PTPA: variants seen among roughly 807,000 people sequenced by gnomAD.
The protein encoded by PTPA is protein phosphatase 2 phosphatase activator, also known as serine/threonine-protein phosphatase 2A activator.
In PTPA, 13 loss-of-function variants were observed where a neutral mutation model predicts 43.6. The observed-to-expected ratio is 0.30, with a 90% CI of 0.19 to 0.47. The LOEUF is 0.47. PTPA is among the 20% of genes least tolerant of loss of function. The pLI, the probability that PTPA is intolerant of heterozygous loss-of-function variation, is 0.99. For synonymous variants in PTPA, 172 were observed against 158.2 expected, an observed-to-expected ratio of 1.09 and a Z score of -0.66; for missense variants, 329 against 411.9, an observed-to-expected ratio of 0.80 and a Z score of 1.74.
rs1331391926 is a variant in PTPA at position 129,134,886 on chromosome 9, G to C, written c.552G>C (p.Val184=). The change falls in exon 6 of 10, where the codon GTG becomes GTC. Residue 184 remains valine (V), a synonymous_variant. Coordinates refer to ENST00000393370, the MANE Select transcript of PTPA (RefSeq NM_178000.3). ...ACCAAATAGCTATTGTCTTCAAGGT[G>C]TTCAATCGGTGAGAGAAAGGACAGG... ...VDDQIAIVFK[V]FNRYLEVMRK... is the part of the protein sequence containing the mutation. The C allele has an allele frequency of 1.2e-6, 2 of 1,612,534 alleles. No individual in the cohort carries two copies. Among genetic ancestry groups the C allele is most frequent in the Admixed American group, 1.7e-5 (1 of 59,990 alleles).
intron 2 of PTPA, 75 bp from the exon 3 acceptor site, chr9:129,122,977 G>C (rs1849346542): frequency 1.7e-6 from 2 of 1,168,180 alleles, no homozygotes; most frequent in South Asian, 2.5e-5. Context: ...TGGTAACCTG[G>C]TGGAGCTCGG....
intron 1 of PTPA, among the ~76,000 whole-genome samples, chr9:129,118,861 C>G (rs1849067040): frequency 6.6e-6 from 1 of 150,748 alleles, no homozygotes; most frequent in African/African-American, 2.4e-5. Context: ...TTTCCGTGAG[C>G]ACATCTGAAA....
At position 129,133,134 on chromosome 9, in the gene PTPA, C is replaced by G. The variant is rs1198986859; in HGVS notation, c.460+1495C>G. ...GGCGTTCTCTAGGTCAGGGCCTGGC[C>G]TGTGCAGCTAAGGAGGACCTCTGCT... On this transcript the variant is annotated intron_variant, in intron 5 of 9. Transcript: ENST00000393370. Among the ~76,000 whole-genome samples the G allele has an allele frequency of 1.3e-5, 2 of 152,336 alleles. 1 individual carries two copies. Among genetic ancestry groups the G allele is most frequent in the South Asian group, 4.1e-4 (2 of 4,830 alleles).
At chr9:129,133,108 A>C (rs533581495) in intron 5 of PTPA, among the ~76,000 whole-genome samples, 1 of 152,180 alleles carries the variant, frequency 6.6e-6, no homozygotes, top group South Asian at 2.1e-4. Context: ...TAGAGAAGGG[A>C]GGCGTTCTCT....
intron 4 of PTPA, among the ~76,000 whole-genome samples, chr9:129,130,449 A>G (rs1849883958): frequency 6.7e-6 from 1 of 149,026 alleles, no homozygotes; most frequent in Admixed American, 6.8e-5. Flanking sequence ...GCTGGAGTGC[A>G]GTGGCATGAT....
At chr9:129,125,079 G>C (rs1363787749) in intron 3 of PTPA, among the ~76,000 whole-genome samples, 1 of 152,152 alleles carries the variant, frequency 6.6e-6, no homozygotes, top group Non-Finnish European at 1.5e-5. Context: ...GATGGCTGGG[G>C]AAAGAGGGGG....
Position 129,129,119 on chromosome 9 carries a change from G to A in PTPA, c.342+9G>A, listed in dbSNP as rs1719235177. On this transcript the variant is annotated intron_variant, in intron 4 of 9. Coordinates refer to ENST00000393370, the MANE Select transcript of PTPA (RefSeq NM_178000.3). Reference sequence around the variant, plus strand: ...ATGCCAAACTTGATGAGGTGAGGCTGCCACAGGACAGGCCAGGGACTGGGC... The same window carrying A: ...ATGCCAAACTTGATGAGGTGAGGCTACCACAGGACAGGCCAGGGACTGGGC... The A allele has an allele frequency of 1.2e-6, 2 of 1,612,022 alleles. No individual in the cohort carries two copies. The highest frequency in any genetic ancestry group is 1.7e-6 in the Non-Finnish European group (2 of 1,179,838).
intron 1 of PTPA, among the ~76,000 whole-genome samples, chr9:129,115,030 C>T (rs1329954546): frequency 2.6e-5 from 4 of 152,058 alleles, no homozygotes; most frequent in African/African-American, 4.8e-5. Context: ...GACAGAGTCT[C>T]ACTCTGTCAC....
At chr9:129,121,344 G>T (rs534169257) in intron 2 of PTPA, among the ~76,000 whole-genome samples, 1 of 152,288 alleles carries the variant, frequency 6.6e-6, no homozygotes, top group South Asian at 2.1e-4. Flanking sequence ...CAGCTTCTAT[G>T]CCTTGTCCTC....
chr9:129,148,210 G>C lies in PTPA; in HGVS notation c.*746G>C, dbSNP rs1355272976. On this transcript the variant is annotated 3_prime_UTR_variant, in exon 10 of 10. Coordinates refer to ENST00000393370, the MANE Select transcript of PTPA (RefSeq NM_178000.3). ...CCTAGCCAATGGAAGCTGCCCTTTG[G>C]GTAGGTGCTGGGCTCCTGGGAGGGC... The C allele has an allele frequency of 6.6e-6, 1 of 152,414 alleles. No individual in the cohort carries two copies. The highest frequency in any genetic ancestry group is 6.5e-5 in the Admixed American group (1 of 15,290). The allele number at this position is 152,414 out of a possible 1,614,324, so 9.4% of individuals were successfully genotyped here.
chr9:129,120,801 G>T (rs1325839459), intron 2 of PTPA, among the ~76,000 whole-genome samples, 191 bp downstream of exon 2: 1 of 152,194 alleles, frequency 6.6e-6, no homozygotes, highest in African/African-American at 2.4e-5. Flanking sequence ...TTATCAGGAA[G>T]GTTGCCTACT....
chr9:129,129,766 G>T (rs1849834526), intron 4 of PTPA, among the ~76,000 whole-genome samples: 1 of 152,130 alleles, frequency 6.6e-6, no homozygotes, highest in Admixed American at 6.5e-5. Context: ...ACCACGCTCG[G>T]CCCCAAAAAG....
intron 5 of PTPA, among the ~76,000 whole-genome samples, chr9:129,132,078 C>T (rs965133439): frequency 1.3e-5 from 2 of 152,122 alleles, no homozygotes; most frequent in Admixed American, 6.6e-5. Context: ...TGTCTCTTAG[C>T]CACATTCTCT....
At chr9:129,128,833 A>C in intron 3 of PTPA, 152 bp from the exon 4 acceptor site, 2 of 909,408 alleles carry the variant, frequency 2.2e-6, no homozygotes, top group East Asian at 5.5e-5. Flanking sequence ...CCTCCTTCAT[A>C]TTCAGAACAG....
intron 8 of PTPA, among the ~76,000 whole-genome samples, chr9:129,140,370 A>C (rs929033146): frequency 1.3e-5 from 2 of 152,106 alleles, no homozygotes; most frequent in Non-Finnish European, 2.9e-5. Context: ...ACCTCCCTGA[A>C]GGACTTAGGG....
chr9:129,143,689 C>T, intron 9 of PTPA: 1 of 465,166 alleles, frequency 2.1e-6, no homozygotes, highest in Non-Finnish European at 3.9e-6. Context: ...CTCTGGACCT[C>T]ACATCCTGTG....
intron 2 of PTPA, among the ~76,000 whole-genome samples, chr9:129,122,542 G>T (rs547651541): frequency 6.6e-5 from 10 of 152,188 alleles, no homozygotes; most frequent in Non-Finnish European, 1.5e-4. Context: ...AGCCTGGCCC[G>T]CCTTTGGTCG....
At chr9:129,111,675 G>A in intron 1 of PTPA, 44 bp downstream of exon 1, 1 of 1,270,538 alleles carries the variant, frequency 7.9e-7, no homozygotes, top group Non-Finnish European at 1.0e-6. Context: ...GGGTAGGGTG[G>A]GGGCGGTGCC....
intron 1 of PTPA, among the ~76,000 whole-genome samples, chr9:129,120,183 G>T (rs1171402710): frequency 6.6e-6 from 1 of 151,732 alleles, no homozygotes; most frequent in South Asian, 2.1e-4. Context: ...GCTTGAACCC[G>T]GGAGGCAGAG....
Sources: gnomAD v4.1 joint callset for allele counts (sites outside exome capture counted in the v4.1 genomes callset) on GRCh38, gnomAD v4.1.1 for gene constraint, MANE v1.5 for transcripts, NCBI Gene and HGNC (gene_info 2026-07-23, HGNC 2026-07-21) for gene names.